Variants in VCF1 observed in about 807,000 individuals in gnomAD.
The protein encoded by VCF1 is protein VCF1.
chr17:73,224,803 A>C, the VCF1 span, among the ~76,000 whole-genome samples: 1 of 152,198 alleles, frequency 6.6e-6, no homozygotes, highest in Non-Finnish European at 1.5e-5. Context: ...TGTTAATACC[A>C]CTGCCAGGAA....
the VCF1 span, chr17:73,227,368 G>A: frequency 4.3e-6 from 4 of 932,246 alleles, no homozygotes; most frequent in Admixed American, 6.6e-5. Context: ...CCTCTGGCCT[G>A]AGAAAACATA....
chr17:73,207,877 A>C, the VCF1 span: 1 of 1,193,900 alleles, frequency 8.4e-7, no homozygotes, highest in Non-Finnish European at 1.1e-6. Context: ...CATCGAACCC[A>C]TTAAGATCTA....
At chr17:73,212,375 A>ATG in the VCF1 span, among the ~76,000 whole-genome samples, 4 of 152,188 alleles carry the variant, frequency 2.6e-5, no homozygotes, top group Non-Finnish European at 4.4e-5. Flanking sequence ...CATTGGAGCT[A>ATG]TGGTCACATA....
At chr17:73,207,913 A>G in the VCF1 span, 6 of 1,185,292 alleles carry the variant, frequency 5.1e-6, no homozygotes, top group Admixed American at 4.0e-5. Context: ...ATCTGGCTTT[A>G]AAAGTTGGGA....
chr17:73,225,913 T>G, the VCF1 span, among the ~76,000 whole-genome samples: 3 of 139,584 alleles, frequency 2.1e-5, no homozygotes, highest in African/African-American at 8.3e-5. Context: ...TTTTTTTTTT[T>G]TTTTCTGAAA....
the VCF1 span, among the ~76,000 whole-genome samples, chr17:73,223,342 T>A: frequency 6.6e-6 from 1 of 151,956 alleles, no homozygotes; most frequent in Non-Finnish European, 1.5e-5. Flanking sequence ...AATAAAAAAA[T>A]AAAATGGGGG....
the VCF1 span, among the ~76,000 whole-genome samples, chr17:73,214,528 CATTCTTCACT>C: frequency 6.6e-6 from 1 of 152,140 alleles, no homozygotes; most frequent in African/African-American, 2.4e-5. Context: ...AAGGAAAGAC[CATTCTTCACT>C]TTTAACCCAA....
At chr17:73,230,444 A>G in the VCF1 span, among the ~76,000 whole-genome samples, 1 of 151,742 alleles carries the variant, frequency 6.6e-6, no homozygotes, top group Non-Finnish European at 1.5e-5. Context: ...CTTGTTGCTC[A>G]GGCTTGAGTG....
chr17:73,224,084 A>AAGAGAAGAAAG, the VCF1 span, among the ~76,000 whole-genome samples: 3 of 113,698 alleles, frequency 2.6e-5, no homozygotes, highest in Non-Finnish European at 5.3e-5. Flanking sequence ...AGGGGAGGGG[A>AAGAGAAGAAAG]TGAGAAGGTA....
the VCF1 span, among the ~76,000 whole-genome samples, chr17:73,228,305 C>A: frequency 6.6e-6 from 1 of 152,256 alleles, no homozygotes. Context: ...TGTGGACACA[C>A]AGCTCTTGGA....
At chr17:73,229,583 G>A in the VCF1 span, 3 of 985,298 alleles carry the variant, frequency 3.0e-6, no homozygotes, top group Non-Finnish European at 3.6e-6. Flanking sequence ...TTAAGAGTAT[G>A]GGCTGGGCAC....
the VCF1 span, among the ~76,000 whole-genome samples, chr17:73,211,613 G>GCA: frequency 2.0e-5 from 3 of 148,932 alleles, no homozygotes; most frequent in African/African-American, 7.4e-5. Flanking sequence ...TGTAATCCCA[G>GCA]CACTTTGGGA....
At chr17:73,224,950 C>CACAGCACAGCACAGCACAGG in the VCF1 span, among the ~76,000 whole-genome samples, 2 of 89,576 alleles carry the variant, frequency 2.2e-5, no homozygotes, top group Non-Finnish European at 5.1e-5. Flanking sequence ...CACAGCACAG[C>CACAGCACAGCACAGCACAGG]ACAGGACAGG....
the VCF1 span, chr17:73,209,532 T>A: frequency 6.3e-7 from 1 of 1,581,392 alleles, no homozygotes. Flanking sequence ...CGGCACATCA[T>A]GTCAGAGGCC....
chr17:73,222,171 C>G, the VCF1 span, among the ~76,000 whole-genome samples: 1 of 145,622 alleles, frequency 6.9e-6, no homozygotes, highest in Non-Finnish European at 1.5e-5. Context: ...GCACTCCTGC[C>G]TAGGCAACTG....
chr17:73,232,001 C>T, the VCF1 span: 10 of 1,429,614 alleles, frequency 7.0e-6, no homozygotes, highest in Admixed American at 1.1e-4. Context: ...TCCACTCTTG[C>T]TCCGACCCCC....
the VCF1 span, chr17:73,209,724 G>A: frequency 6.5e-7 from 1 of 1,534,886 alleles, no homozygotes; most frequent in Admixed American, 2.0e-5. Flanking sequence ...TATTGATGCT[G>A]CTGCTGCTGC....
the VCF1 span, among the ~76,000 whole-genome samples, chr17:73,224,142 C>G: frequency 7.4e-5 from 11 of 148,542 alleles, no homozygotes; most frequent in Non-Finnish European, 1.5e-4. Context: ...GAAGGGAATT[C>G]TAGCCAGGCA....
At chr17:73,220,117 T>C in the VCF1 span, among the ~76,000 whole-genome samples, 3 of 152,178 alleles carry the variant, frequency 2.0e-5, no homozygotes, top group Non-Finnish European at 2.9e-5. Context: ...ACTACAACTC[T>C]AAGACGGATT....
Sources: gnomAD v4.1 joint callset for allele counts (sites outside exome capture counted in the v4.1 genomes callset) on GRCh38, gnomAD v4.1.1 for gene constraint, MANE v1.5 for transcripts, NCBI Gene and HGNC (gene_info 2026-07-23, HGNC 2026-07-21) for gene names.